Variants in GSK3B observed in about 807,000 individuals in gnomAD.
The protein encoded by GSK3B is glycogen synthase kinase-3 beta.
A neutral mutation model predicts 56.4 loss-of-function variants in GSK3B; 15 were observed. That is an observed-to-expected ratio of 0.27 (90% CI 0.18 to 0.41). The LOEUF (loss-of-function observed/expected upper bound fraction) is 0.41. Among genes scored for constraint, GSK3B ranks in the 10% least tolerant of loss-of-function variants. The pLI, the probability that GSK3B is intolerant of heterozygous loss-of-function variation, is 1.00. For missense variants in GSK3B, 300 were observed against 513.4 expected (o/e 0.58, Z 4.02); for synonymous variants, 181 against 188.9 (o/e 0.96, Z 0.34).
At chr3:119,861,787 G>A (rs989152712) in intron 9 of GSK3B, among the ~76,000 whole-genome samples, 6 of 152,080 alleles carry the variant, frequency 3.9e-5, no homozygotes, top group Admixed American at 6.6e-5. Context: ...CTTAGTATGC[G>A]TAAGCACACT....
At chr3:120,026,941 T>C (rs1218870022) in intron 1 of GSK3B, among the ~76,000 whole-genome samples, 1 of 150,844 alleles carries the variant, frequency 6.6e-6, no homozygotes, top group Non-Finnish European at 1.5e-5. Context: ...CGTGGTGTCA[T>C]GCGCCTGTAA....
In GSK3B at chr3:119,947,386, G is replaced by A. The variant is rs746509817; in HGVS notation, c.283-35C>T. 2.3e-5 allele frequency: 28 copies of A among 1,229,626 alleles called. No homozygotes were observed. In the South Asian group the frequency reaches 3.4e-4, roughly 15 times the overall value. 76.2% of individuals were successfully genotyped at this position (1,229,626 alleles called of 1,614,324 possible). A position where few individuals can be genotyped will look rare whatever the true frequency, so the allele number is the denominator to read the frequency against. Reference sequence around the variant, plus strand: ...AAACACATAAAAATATATTTTTAAAGGATAACAGCTATTCATCATATTGAA... The same window carrying A: ...AAACACATAAAAATATATTTTTAAAAGATAACAGCTATTCATCATATTGAA... On this transcript the variant is annotated intron_variant, in intron 2 of 10. Transcript: ENST00000264235.
chr3:120,004,243 G>A (rs2057705321), intron 1 of GSK3B, among the ~76,000 whole-genome samples: 1 of 152,162 alleles, frequency 6.6e-6, no homozygotes, highest in Admixed American at 6.6e-5. Context: ...TATGCTCACA[G>A]TGTAAACAAA....
intron 1 of GSK3B, among the ~76,000 whole-genome samples, chr3:120,035,180 C>A (rs1354330399): frequency 1.3e-5 from 2 of 152,018 alleles, no homozygotes; most frequent in East Asian, 3.8e-4. Flanking sequence ...ATTTTGGACA[C>A]ACAAACATAC....
intron 2 of GSK3B, among the ~76,000 whole-genome samples, chr3:119,962,847 C>A (rs2057285186): frequency 6.6e-6 from 1 of 152,164 alleles, no homozygotes; most frequent in Non-Finnish European, 1.5e-5. Flanking sequence ...AAGGAGTGTG[C>A]AACCTAAATC....
At chr3:119,961,320 G>C (rs1031869948) in intron 2 of GSK3B, among the ~76,000 whole-genome samples, 1 of 152,076 alleles carries the variant, frequency 6.6e-6, no homozygotes, top group Non-Finnish European at 1.5e-5. Flanking sequence ...CTCATTGTTG[G>C]TGCATTAAAA....
At chr3:119,931,107 G>A (rs987308440) in intron 3 of GSK3B, among the ~76,000 whole-genome samples, 2 of 152,216 alleles carry the variant, frequency 1.3e-5, no homozygotes, top group East Asian at 3.8e-4. Flanking sequence ...GAAAACAGTA[G>A]TATTTTTGCA....
rs556633731 is a variant in GSK3B at position 119,979,288 on chromosome 3, G to A, written c.282+22758C>T. Among the ~76,000 whole-genome samples the A allele has an allele frequency of 7.9e-5, 12 of 152,210 alleles. No homozygotes were observed. The South Asian group carries it at 2.3e-3, about 29-fold the overall frequency. On this transcript the variant is annotated intron_variant, in intron 2 of 10. Coordinates refer to ENST00000264235, the MANE Select transcript of GSK3B (RefSeq NM_001146156.2). ...TCCCAACCCTACCTGTGTCAAGCTT[G>A]TACCTCTTATAAAATCTTTCTTCTT...
At chr3:119,958,101 T>C (rs938132873) in intron 2 of GSK3B, among the ~76,000 whole-genome samples, 7 of 152,158 alleles carry the variant, frequency 4.6e-5, no homozygotes, top group Admixed American at 4.6e-4. Context: ...TAATAGTGAG[T>C]GAATTCTCAC....
chr3:119,921,893 T>C (rs2056843242), intron 4 of GSK3B, among the ~76,000 whole-genome samples: 1 of 152,130 alleles, frequency 6.6e-6, no homozygotes, highest in African/African-American at 2.4e-5. Flanking sequence ...ATCTCAGTAC[T>C]TGGGGAGTCC....
At chr3:119,882,449 C>T (rs897301699) in intron 7 of GSK3B, among the ~76,000 whole-genome samples, 7 of 152,100 alleles carry the variant, frequency 4.6e-5, no homozygotes, top group African/African-American at 1.7e-4. Flanking sequence ...ACTATATCCA[C>T]TATCCATATT....
At chr3:119,873,332 C>CTT (rs78747347) in intron 8 of GSK3B, among the ~76,000 whole-genome samples, 3 of 145,028 alleles carry the variant, frequency 2.1e-5, no homozygotes, top group Admixed American at 6.9e-5. Flanking sequence ...TTTCTGTCTA[C>CTT]TTTTTTTTTT....
chr3:119,966,956 A>AT (rs1310733957), intron 2 of GSK3B, among the ~76,000 whole-genome samples: 1 of 152,250 alleles, frequency 6.6e-6, no homozygotes, highest in Non-Finnish European at 1.5e-5. Flanking sequence ...GAAAACTCTA[A>AT]AATCTCATAG....
At chr3:119,855,968 A>G (rs567091202) in intron 9 of GSK3B, among the ~76,000 whole-genome samples, 13 of 152,354 alleles carry the variant, frequency 8.5e-5, no homozygotes, top group Non-Finnish European at 1.3e-4. Flanking sequence ...CCTAGAACTT[A>G]AAGTATAATA....
intron 2 of GSK3B, among the ~76,000 whole-genome samples, chr3:119,984,075 T>A (rs2057490079): frequency 6.6e-6 from 1 of 152,148 alleles, no homozygotes. Context: ...CACAACTGCA[T>A]GGAAACTGAA....
At chr3:120,062,617 T>C (rs1394229131) in intron 1 of GSK3B, among the ~76,000 whole-genome samples, 1 of 152,154 alleles carries the variant, frequency 6.6e-6, no homozygotes, top group East Asian at 1.9e-4. Flanking sequence ...CAGTTATAAT[T>C]TATATAGTAA....
At chr3:120,056,172 A>T (rs1172381782) in intron 1 of GSK3B, among the ~76,000 whole-genome samples, 1 of 152,246 alleles carries the variant, frequency 6.6e-6, no homozygotes, top group East Asian at 1.9e-4. Flanking sequence ...TGGAAAATGT[A>T]ATTTTCATTA....
At chr3:119,916,255 A>C (rs1464044816) in intron 4 of GSK3B, 81 bp from the exon 5 acceptor site, 2 of 1,221,014 alleles carry the variant, frequency 1.6e-6, no homozygotes, top group Non-Finnish European at 2.3e-6. Flanking sequence ...AAAGTAACAG[A>C]TTCTCAGAAA....
At chr3:120,007,003 A>C (rs1414243297) in intron 1 of GSK3B, among the ~76,000 whole-genome samples, 1 of 152,132 alleles carries the variant, frequency 6.6e-6, no homozygotes, top group Non-Finnish European at 1.5e-5. Context: ...AAAGATCAAC[A>C]AAATAGACCA....
Sources: gnomAD v4.1 joint callset for allele counts (sites outside exome capture counted in the v4.1 genomes callset) on GRCh38, gnomAD v4.1.1 for gene constraint, MANE v1.5 for transcripts, NCBI Gene and HGNC (gene_info 2026-07-23, HGNC 2026-07-21) for gene names.